Variants in GARRE1 observed in about 807,000 individuals in gnomAD.
GARRE1 encodes granule associated Rac and RHOG effector 1.
GARRE1 carries 49 observed loss-of-function variants against 103.2 expected under a neutral mutation model. That is an observed-to-expected ratio of 0.47 (90% CI 0.38 to 0.60). The LOEUF (loss-of-function observed/expected upper bound fraction) is 0.60. Ranked by LOEUF, GARRE1 falls within the 20% of genes least tolerant of loss-of-function variation. The probability of loss-of-function intolerance (pLI) is 0.00; values close to 1 mark genes in which losing one functional copy is unlikely to be tolerated. For synonymous variants in GARRE1, 505 were observed against 532.8 expected (o/e 0.95, Z 0.72); for missense variants, 1,199 against 1,370.5 (o/e 0.87, Z 1.98).
chr19:34,271,470 G>A (rs989503207), intron 1 of GARRE1, among the ~76,000 whole-genome samples: 1 of 151,708 alleles, frequency 6.6e-6, no homozygotes, highest in Non-Finnish European at 1.5e-5. Flanking sequence ...GGCTGGTCTC[G>A]ATCTCCTGAC....
chr19:34,324,582 A>G (rs753869318), intron 3 of GARRE1, among the ~76,000 whole-genome samples: 3 of 151,578 alleles, frequency 2.0e-5, no homozygotes, highest in Non-Finnish European at 4.4e-5. Flanking sequence ...GCTTACTGCA[A>G]TCTTGACCTC....
chr19:34,349,952 G>A (rs989302351), intron 12 of GARRE1, among the ~76,000 whole-genome samples: 4 of 152,138 alleles, frequency 2.6e-5, no homozygotes, highest in East Asian at 1.9e-4. Context: ...CCAGCTACTC[G>A]GGAGGCTGAG....
chr19:34,285,554 T>C (rs901039297), intron 1 of GARRE1, among the ~76,000 whole-genome samples: 2 of 151,336 alleles, frequency 1.3e-5, no homozygotes, highest in Non-Finnish European at 1.5e-5. Context: ...ACCCAGGAGG[T>C]AGAGGTTGCA....
At chr19:34,351,368 C>G in intron 12 of GARRE1, 146 bp from the exon 13 acceptor site, 1 of 628,920 alleles carries the variant, frequency 1.6e-6, no homozygotes, top group Non-Finnish European at 2.9e-6. Flanking sequence ...TCCCCTTAGC[C>G]GCCTTTATGC....
chr19:34,280,529 C>G (rs901531459), intron 1 of GARRE1, among the ~76,000 whole-genome samples: 2 of 151,984 alleles, frequency 1.3e-5, no homozygotes, highest in African/African-American at 4.8e-5. Flanking sequence ...CTTGTAATGT[C>G]CTTTGATGCC....
intron 5 of GARRE1, 59 bp from the exon 6 acceptor site, chr19:34,327,930 CA>C: frequency 6.2e-7 from 1 of 1,613,232 alleles, no homozygotes; most frequent in Non-Finnish European, 8.5e-7. Context: ...TAGTGTGAAC[CA>C]AGTGTTTTGA....
intron 1 of GARRE1, among the ~76,000 whole-genome samples, chr19:34,274,787 C>T (rs552225893): frequency 2.4e-4 from 37 of 152,276 alleles, no homozygotes; most frequent in African/African-American, 7.9e-4. Context: ...CAGCACTAAG[C>T]GTCTTTTCGT....
At chr19:34,296,168 C>A in intron 1 of GARRE1, 1 of 308,624 alleles carries the variant, frequency 3.2e-6, no homozygotes. Context: ...TTTTTTCTTG[C>A]GTCAGTTTGT....
chr19:34,348,952 G>A, intron 11 of GARRE1, 64 bp from the exon 12 acceptor site: 1 of 1,592,374 alleles, frequency 6.3e-7, no homozygotes, highest in Non-Finnish European at 8.5e-7. Context: ...TGCCCTTTCA[G>A]GGTGGGGTGG....
At chr19:34,265,747 A>G (rs2073747383) in intron 1 of GARRE1, 1 of 152,238 alleles carries the variant, frequency 6.6e-6, no homozygotes, top group African/African-American at 2.4e-5. Flanking sequence ...CTTCTTACTA[A>G]TCCACGCCCT....
In GARRE1 at chr19:34,353,237, G is replaced by A. The variant is rs1055775717; in HGVS notation, c.*282G>A. 7.1e-5 allele frequency: 32 copies of A among 451,618 alleles called. No homozygotes were observed. Among genetic ancestry groups the A allele is most frequent in the African/African-American group, 1.2e-4 (6 of 51,150 alleles). The allele number at this position is 451,618 out of a possible 1,614,324, so 28.0% of individuals were successfully genotyped here. A position where few individuals can be genotyped will look rare whatever the true frequency, so the allele number is the denominator to read the frequency against. ...CCTGCATGCCTAGTAAGCGCCACAG[G>A]TGACTCTGATGCAGGCGCCACAGCC... On this transcript the variant is annotated 3_prime_UTR_variant, in exon 14 of 14. Transcript: ENST00000299505.
intron 2 of GARRE1, among the ~76,000 whole-genome samples, chr19:34,314,695 T>C (rs2074052408): frequency 6.6e-6 from 1 of 152,262 alleles, no homozygotes. Context: ...AAACATAGCA[T>C]GGCACCTTTT....
Position 34,300,316 on chromosome 19 carries a change from C to A in GARRE1, c.-158C>A. 2 of 701,392 alleles carry A rather than the reference C, an allele frequency of 2.9e-6. No individual in the cohort carries two copies. Among genetic ancestry groups the A allele is most frequent in the Non-Finnish European group, 2.3e-6 (1 of 432,660 alleles). The allele number at this position is 701,392 out of a possible 1,614,324, so 43.4% of individuals were successfully genotyped here. A position where few individuals can be genotyped will look rare whatever the true frequency, so the allele number is the denominator to read the frequency against. ...ATTATATAAACCTGTTGTCTCTCAC[C>A]TCTACATTGGATCACATGGTCACCT... On this transcript the variant is annotated 5_prime_UTR_variant, in exon 2 of 14. Transcript: ENST00000299505.
At chr19:34,305,673 G>C (rs999501700) in intron 2 of GARRE1, among the ~76,000 whole-genome samples, 1 of 152,220 alleles carries the variant, frequency 6.6e-6, no homozygotes, top group Non-Finnish European at 1.5e-5. Flanking sequence ...GCTGTGAGCA[G>C]TAGGGGCTTG....
At chr19:34,274,560 T>G (rs1484749084) in intron 1 of GARRE1, among the ~76,000 whole-genome samples, 1 of 152,136 alleles carries the variant, frequency 6.6e-6, no homozygotes, top group Non-Finnish European at 1.5e-5. Flanking sequence ...GAAGATTTGG[T>G]TTTGGACTTT....
intron 10 of GARRE1, among the ~76,000 whole-genome samples, chr19:34,343,068 A>G (rs951640643): frequency 1.3e-5 from 2 of 152,252 alleles, no homozygotes; most frequent in Non-Finnish European, 2.9e-5. Context: ...AAATAACTCT[A>G]AAGGATCTTT....
At chr19:34,262,355 G>A (rs976677795) in intron 1 of GARRE1, among the ~76,000 whole-genome samples, 10 of 135,318 alleles carry the variant, frequency 7.4e-5, no homozygotes, top group Non-Finnish European at 1.2e-4. Flanking sequence ...GAATGCAGTA[G>A]TGCGATCTCA....
intron 1 of GARRE1, among the ~76,000 whole-genome samples, chr19:34,265,001 T>G (rs972124897): frequency 2.6e-5 from 4 of 152,134 alleles, no homozygotes; most frequent in African/African-American, 7.2e-5. Flanking sequence ...TTGATTATGT[T>G]CCTTGTGTCT....
chr19:34,330,379 G>A lies in GARRE1; in HGVS notation c.1263+32G>A, dbSNP rs1388975947. 3 of 1,607,372 alleles carry A rather than the reference G, an allele frequency of 1.9e-6. No homozygotes were observed. The South Asian group carries it at 3.3e-5, about 18-fold the overall frequency. ...GAGCGTGGGTGGTGGATGATAGGTA[G>A]AATACCAAGATGTTTCAAGCATGTG... On this transcript the variant is annotated intron_variant, in intron 7 of 13. Transcript: ENST00000299505.
Sources: allele counts gnomAD v4.1 joint callset (sites outside exome capture counted in the v4.1 genomes callset), GRCh38; gene constraint gnomAD v4.1.1; transcripts MANE v1.5; gene names NCBI Gene and HGNC (gene_info 2026-07-23, HGNC 2026-07-21).